PROB1: variants seen among roughly 807,000 people sequenced by gnomAD.
PROB1 encodes proline-rich basic protein 1.
For synonymous variants in PROB1, 660 were observed against 699.3 expected (o/e 0.94, Z 0.89); for missense variants, 1,453 against 1,485.7 (o/e 0.98, Z 0.36).
Position 139,392,391 on chromosome 5 carries a change from C to A in PROB1, c.2691G>T (p.Pro897=). Residue 897 remains proline, a synonymous_variant, in exon 1 of 1, where the codon CCG becomes CCT. Transcript: ENST00000434752. The surrounding 1 kb of genome is among the most constrained non-coding windows in gnomAD (Gnocchi z 5.8). Reference sequence around the variant, plus strand: ...AGAGCACCCGCAGCCGAGGCTGCCGCGGCGCCTCCACAAAGTAGTAGCGGC... The same window carrying A: ...AGAGCACCCGCAGCCGAGGCTGCCGAGGCGCCTCCACAAAGTAGTAGCGGC... ...ESGRYYFVEA[P]RQPRLRVLFD... The A allele has an allele frequency of 6.6e-7, 1 of 1,517,204 alleles. No individual in the cohort carries two copies. The highest frequency in any genetic ancestry group is 8.8e-7 in the Non-Finnish European group (1 of 1,134,258). 94.0% of individuals were successfully genotyped at this position (1,517,204 alleles called of 1,614,324 possible).
In PROB1 at chr5:139,393,768, T is replaced by C. The variant is rs980529255; in HGVS notation, c.1314A>G (p.Glu438=). The C allele has an allele frequency of 3.4e-5, 53 of 1,551,284 alleles. No individual in the cohort carries two copies. Among genetic ancestry groups the C allele is most frequent in the Non-Finnish European group, 4.1e-5 (47 of 1,146,988 alleles). ...TTTCCTCGACGGCAGGATTTTGATT[T>C]TCCCACTCGGAGGAGGCTTCAGGGA... is the stretch of plus-strand genomic sequence containing the variant. The part of the protein sequence containing the change: ...PLFPEASSEW[E]NQNPAVEETV... The change falls in exon 1 of 1, where the codon GAA becomes GAG. Residue 438 remains glutamate, a synonymous_variant. Coordinates refer to ENST00000434752, the MANE Select transcript of PROB1 (RefSeq NM_001161546.2).
At position 139,394,932 on chromosome 5, in the gene PROB1, C is replaced by T; in HGVS notation, c.150G>A (p.Ala50=). 2 of 1,519,930 alleles carry T rather than the reference C, an allele frequency of 1.3e-6. No homozygotes were observed. The highest frequency in any genetic ancestry group is 3.9e-4 in the Middle Eastern group (2 of 5,190). 94.2% of individuals were successfully genotyped at this position (1,519,930 alleles called of 1,614,324 possible). The change falls in exon 1 of 1, where the codon GCG becomes GCA. Residue 50 remains alanine, a synonymous_variant. Transcript: ENST00000434752. ...SPEPPDVGPD[A]KGPANWPWVA... ...CCCAGGGCCAATTCGCTGGGCCTTTCGCGTCCGGCCCAACGTCCGGGGGCT... is the reference window on the plus strand; with the variant it reads ...CCCAGGGCCAATTCGCTGGGCCTTTTGCGTCCGGCCCAACGTCCGGGGGCT...
Position 139,392,171 on chromosome 5 carries a change from C to T in PROB1, c.2911G>A (p.Glu971Lys), listed in dbSNP as rs1561988372. ...LGSPQLPWVSEAGPLDGTYYL... is the reference protein window; with the variant it reads ...LGSPQLPWVSKAGPLDGTYYL... ...TAGGTCCCGTCCAGGGGCCCTGCCT[C>T]AGAGACCCAGGGTAGCTGGGGGCTG... The change falls in exon 1 of 1, where the codon GAG becomes AAG. Residue 971 changes from glutamate (E) to lysine (K), a missense_variant. Glu to Lys is a moderately conservative substitution (Grantham distance 56). Transcript: ENST00000434752. The surrounding 1 kb of genome is among the most constrained non-coding windows in gnomAD (Gnocchi z 5.8). 7.1e-7 allele frequency: 1 copy of T among 1,407,654 alleles called. No homozygotes were observed. Among genetic ancestry groups the T allele is most frequent in the Admixed American group, 3.2e-5 (1 of 31,144 alleles). 87.2% of individuals were successfully genotyped at this position (1,407,654 alleles called of 1,614,324 possible). A position where few individuals can be genotyped will look rare whatever the true frequency, so the allele number is the denominator to read the frequency against.
rs1758617890 is a variant in PROB1, at chr5:139,392,636, G to A, written c.2446C>T (p.Pro816Ser). ...GCCGTAGGTGGTGTCTTCGGTTTGG[G>A]TGCTATCCCAGGGCTCGGGCTGGCT... ...MQASPSPGIA[P>S]KPKTPPTAPE... The change falls in exon 1 of 1, where the codon CCC becomes TCC. Residue 816 changes from proline to serine, a missense_variant. Coordinates refer to ENST00000434752, the MANE Select transcript of PROB1 (RefSeq NM_001161546.2). The surrounding 1 kb of genome is among the most constrained non-coding windows in gnomAD (Gnocchi z 5.8). The A allele has an allele frequency of 5.0e-6, 7 of 1,389,108 alleles. No individual in the cohort carries two copies. In the East Asian group the frequency reaches 1.8e-4, roughly 36 times the overall value. The allele number at this position is 1,389,108 out of a possible 1,614,324, so 86.0% of individuals were successfully genotyped here.
At position 139,394,620 on chromosome 5, in the gene PROB1, G is replaced by A; in HGVS notation, c.462C>T (p.Val154=). The part of the protein sequence containing the change: ...LPPGPASPAA[V]PRQSQVPDGG... Reference sequence around the variant, plus strand: ...CATCGGGGACCTGGGACTGGCGTGGGACCGCGGCGGGAGACGCTGGCCCCG... The same window carrying A: ...CATCGGGGACCTGGGACTGGCGTGGAACCGCGGCGGGAGACGCTGGCCCCG... Residue 154 remains valine (V), a synonymous_variant, in exon 1 of 1, where the codon GTC becomes GTT. Coordinates refer to ENST00000434752, the MANE Select transcript of PROB1 (RefSeq NM_001161546.2). 6.5e-7 allele frequency: 1 copy of A among 1,534,026 alleles called. No homozygotes were observed. The highest frequency in any genetic ancestry group is 1.2e-5 in the South Asian group (1 of 83,950).
At position 139,393,011 on chromosome 5, in the gene PROB1, C is replaced by A. The variant is rs988336858; in HGVS notation, c.2071G>T (p.Val691Leu). ...TCAGGAGGCTCGTAGGGGTGCGGCACCACCGGTAGAAAATCCTTGATGAAA... is the reference window on the plus strand; with the variant it reads ...TCAGGAGGCTCGTAGGGGTGCGGCAACACCGGTAGAAAATCCTTGATGAAA... ...SVFIKDFLPV[V>L]PHPYEPPEPS... Residue 691 changes from valine (V) to leucine (L), a missense_variant, in exon 1 of 1, where the codon GTG becomes TTG. Transcript: ENST00000434752. 3.9e-6 allele frequency: 6 copies of A among 1,521,256 alleles called. No individual in the cohort carries two copies. In the African/African-American group the frequency reaches 5.6e-5, roughly 14 times the overall value. 94.2% of individuals were successfully genotyped at this position (1,521,256 alleles called of 1,614,324 possible).
rs1471307381 is a variant in PROB1 at position 139,394,611 on chromosome 5, C to G, written c.471G>C (p.Gln157His). ...GGGAGCCACCATCGGGGACCTGGGA[C>G]TGGCGTGGGACCGCGGCGGGAGACG... Reference protein sequence around the residue: ...GPASPAAVPRQSQVPDGGSRW... With the variant: ...GPASPAAVPRHSQVPDGGSRW... The change falls in exon 1 of 1, where the codon CAG becomes CAC. Residue 157 changes from glutamine to histidine, a missense_variant. Coordinates refer to ENST00000434752, the MANE Select transcript of PROB1 (RefSeq NM_001161546.2). 6.5e-7 allele frequency: 1 copy of G among 1,532,930 alleles called. No homozygotes were observed. Among genetic ancestry groups the G allele is most frequent in the Non-Finnish European group, 8.7e-7 (1 of 1,144,954 alleles). The allele number at this position is 1,532,930 out of a possible 1,614,324, so 95.0% of individuals were successfully genotyped here.
chr5:139,392,793 T>G lies in PROB1; in HGVS notation c.2289A>C (p.Val763=), dbSNP rs1436113417. The part of the protein sequence containing the change: ...ARGPGGENRD[V]EAQRLVPDGD... Reference sequence around the variant, plus strand: ...CGTCGGGGACCAGGCGCTGGGCCTCTACATCCCTGTTCTCTCCTCCAGGGC... The same window carrying G: ...CGTCGGGGACCAGGCGCTGGGCCTCGACATCCCTGTTCTCTCCTCCAGGGC... The change falls in exon 1 of 1, where the codon GTA becomes GTC. Residue 763 remains valine, a synonymous_variant. Transcript: ENST00000434752. This position sits in a 1 kb window ranked among gnomAD's most constrained non-coding sequence, Gnocchi z 5.8. The G allele has an allele frequency of 6.8e-7, 1 of 1,467,334 alleles. No individual in the cohort carries two copies. The highest frequency in any genetic ancestry group is 9.0e-7 in the Non-Finnish European group (1 of 1,105,872). 90.9% of individuals were successfully genotyped at this position (1,467,334 alleles called of 1,614,324 possible).
At position 139,394,427 on chromosome 5, in the gene PROB1, G is replaced by T; in HGVS notation, c.655C>A (p.Pro219Thr). The T allele has an allele frequency of 7.2e-7, 1 of 1,396,032 alleles. No individual in the cohort carries two copies. Among genetic ancestry groups the T allele is most frequent in the South Asian group, 1.6e-5 (1 of 62,398 alleles). The allele number at this position is 1,396,032 out of a possible 1,614,324, so 86.5% of individuals were successfully genotyped here. Reference sequence around the variant, plus strand: ...CGCGGCGCGCCGGCCGCCCTTGGGGGACTCTGGGGCCGGGGGCGCAGCTCG... The same window carrying T: ...CGCGGCGCGCCGGCCGCCCTTGGGGTACTCTGGGGCCGGGGGCGCAGCTCG... ...QIELRPRPQS[P>T]PRAAGAPRPR... Residue 219 changes from proline (P) to threonine (T), a missense_variant, in exon 1 of 1, where the codon CCC becomes ACC. Transcript: ENST00000434752.
rs1166954888 is a variant in PROB1, at chr5:139,392,294, A to T, written c.2788T>A (p.Tyr930Asn). Residue 930 changes from tyrosine (Y) to asparagine (N), a missense_variant, in exon 1 of 1, where the codon TAC (tyrosine) becomes AAC (asparagine). Physicochemically the swap from Tyr to Asn is moderately radical, Grantham distance 143. Coordinates refer to ENST00000434752, the MANE Select transcript of PROB1 (RefSeq NM_001161546.2). The surrounding 1 kb of genome is among the most constrained non-coding windows in gnomAD (Gnocchi z 5.8). ...PSSPGPPHRV[Y>N]TPLALGLGLY... ...CCGAGCCCCAGGGCCAGAGGGGTGTAGACGCGGTGGGGCGGCCCGGGAGAC... is the reference window on the plus strand; with the variant it reads ...CCGAGCCCCAGGGCCAGAGGGGTGTTGACGCGGTGGGGCGGCCCGGGAGAC... 2 of 1,532,734 alleles carry T rather than the reference A, an allele frequency of 1.3e-6. No homozygotes were observed. Among genetic ancestry groups the T allele is most frequent in the Non-Finnish European group, 1.8e-6 (2 of 1,138,436 alleles). The allele number at this position is 1,532,734 out of a possible 1,614,324, so 94.9% of individuals were successfully genotyped here. A position where few individuals can be genotyped will look rare whatever the true frequency, so the allele number is the denominator to read the frequency against.
In PROB1 at chr5:139,394,876, G is replaced by T; in HGVS notation, c.206C>A (p.Pro69His). Residue 69 changes from proline (P) to histidine (H), a missense_variant, in exon 1 of 1, where the codon CCT (proline) becomes CAT (histidine). Pro to His is a moderately conservative substitution (Grantham distance 77). Coordinates refer to ENST00000434752, the MANE Select transcript of PROB1 (RefSeq NM_001161546.2). ...ATTCTGGGCGCTGACGGACAGGCGA[G>T]GCTGCGCGCCCGCCCCCCGCCCAGG... Reference protein sequence around the residue: ...VAPGRGAGAQPRLSVSAQNSR... With the variant: ...VAPGRGAGAQHRLSVSAQNSR... 6.6e-7 allele frequency: 1 copy of T among 1,521,028 alleles called. No individual in the cohort carries two copies. The highest frequency in any genetic ancestry group is 1.2e-5 in the South Asian group (1 of 81,344). The allele number at this position is 1,521,028 out of a possible 1,614,324, so 94.2% of individuals were successfully genotyped here. A position where few individuals can be genotyped will look rare whatever the true frequency, so the allele number is the denominator to read the frequency against.
chr5:139,393,844 T>C lies in PROB1; in HGVS notation c.1238A>G (p.Gln413Arg), dbSNP rs1758642592. Residue 413 changes from glutamine to arginine, a missense_variant, in exon 1 of 1, where the codon CAG (glutamine) becomes CGG (arginine). Transcript: ENST00000434752. ...AVRGPRCPSPQNLSPWDRTTR... is the reference protein window; with the variant it reads ...AVRGPRCPSPRNLSPWDRTTR... ...AGTCCGATCCCACGGGGACAGGTTC[T>C]GGGGCGACGGGCAGCGAGGACCCCG... The C allele has an allele frequency of 1.9e-6, 3 of 1,550,790 alleles. No individual in the cohort carries two copies. Among genetic ancestry groups the C allele is most frequent in the Admixed American group, 2.0e-5 (1 of 50,954 alleles).
Position 139,394,385 on chromosome 5 carries a change from G to A in PROB1, c.697C>T (p.Arg233Cys). The change falls in exon 1 of 1, where the codon CGC (arginine) becomes TGC (cysteine). Residue 233 changes from arginine to cysteine, a missense_variant. Physicochemically the swap from Arg to Cys is radical, Grantham distance 180 (BLOSUM62 -3). Transcript: ENST00000434752. ...AGCGACTCGTCCAGGGAACCGGTGC[G>A]CAGGAGCAGCCGGGGGCGCGGCGCG... ...AGAPRPRLLLRTGSLDESLGP... is the reference protein window; with the variant it reads ...AGAPRPRLLLCTGSLDESLGP... The A allele has an allele frequency of 7.1e-7, 1 of 1,398,944 alleles. No homozygotes were observed. The highest frequency in any genetic ancestry group is 1.6e-5 in the South Asian group (1 of 62,490). The allele number at this position is 1,398,944 out of a possible 1,614,324, so 86.7% of individuals were successfully genotyped here.
Position 139,392,740 on chromosome 5 carries a change from C to T in PROB1, c.2342G>A (p.Gly781Asp). The change falls in exon 1 of 1, where the codon GGC becomes GAC. Residue 781 changes from glycine to aspartate, a missense_variant. Physicochemically the swap from Gly to Asp is moderately conservative, Grantham distance 94 (BLOSUM62 -1). Coordinates refer to ENST00000434752, the MANE Select transcript of PROB1 (RefSeq NM_001161546.2). This position sits in a 1 kb window ranked among gnomAD's most constrained non-coding sequence, Gnocchi z 5.8. ...GGAGCGCTGGGATGAGCTGCGGGCG[C>T]CGCCTAGAGGGCTGGTCCGACCGTC... ...DGDGRTSPLG[G>D]ARSSSQRSPV... The T allele has an allele frequency of 1.4e-6, 2 of 1,413,102 alleles. No individual in the cohort carries two copies. Among genetic ancestry groups the T allele is most frequent in the Non-Finnish European group, 1.8e-6 (2 of 1,083,086 alleles). 87.5% of individuals were successfully genotyped at this position (1,413,102 alleles called of 1,614,324 possible).
rs1324432725 is a variant in PROB1, at chr5:139,390,657, T to A, written c.*1377A>T. On this transcript the variant is annotated 3_prime_UTR_variant, in exon 1 of 1. Coordinates refer to ENST00000434752, the MANE Select transcript of PROB1 (RefSeq NM_001161546.2). ...CACACCAGGATGAGGTAAAGACACC[T>A]GGGGTGGCCCCAGGGCCCTCCATGC... The A allele has an allele frequency of 1.3e-5, 2 of 152,204 alleles. No individual in the cohort carries two copies. Among genetic ancestry groups the A allele is most frequent in the Non-Finnish European group, 2.9e-5 (2 of 68,022 alleles). 9.4% of individuals were successfully genotyped at this position (152,204 alleles called of 1,614,324 possible). A position where few individuals can be genotyped will look rare whatever the true frequency, so the allele number is the denominator to read the frequency against.
rs1190568364 is a variant in PROB1 at position 139,394,755 on chromosome 5, C to T, written c.327G>A (p.Gly109=). The change falls in exon 1 of 1, where the codon GGG becomes GGA. Residue 109 remains glycine, a synonymous_variant. Transcript: ENST00000434752. ...PQPQLRTLPS[G]EMEVIFGVGP... is the part of the protein sequence containing the mutation. ...CGACGCCGAAGATGACTTCCATCTC[C>T]CCCGACGGCAGCGTGCGCAGCTGGG... 6.5e-7 allele frequency: 1 copy of T among 1,533,054 alleles called. No individual in the cohort carries two copies. The highest frequency in any genetic ancestry group is 1.2e-5 in the South Asian group (1 of 83,598). 95.0% of individuals were successfully genotyped at this position (1,533,054 alleles called of 1,614,324 possible).
chr5:139,392,214 C>A lies in PROB1; in HGVS notation c.2868G>T (p.Pro956=). The change falls in exon 1 of 1, where the codon CCG becomes CCT. Residue 956 remains proline (P), a synonymous_variant. Transcript: ENST00000434752. The surrounding 1 kb of genome is among the most constrained non-coding windows in gnomAD (Gnocchi z 5.8). ...GGGGGCTGCCGAGGGCCTGCGGGCC[C>A]GGGGACGGTGGCAGAGAGAGGCTGG... ...PIPSLSLPPS[P]GPQALGSPQL... is the part of the protein sequence containing the mutation. The A allele has an allele frequency of 7.0e-7, 1 of 1,434,400 alleles. No individual in the cohort carries two copies. The highest frequency in any genetic ancestry group is 9.2e-7 in the Non-Finnish European group (1 of 1,087,214). 88.9% of individuals were successfully genotyped at this position (1,434,400 alleles called of 1,614,324 possible). A position where few individuals can be genotyped will look rare whatever the true frequency, so the allele number is the denominator to read the frequency against.
At position 139,392,458 on chromosome 5, in the gene PROB1, C is replaced by A. The variant is rs973345360; in HGVS notation, c.2624G>T (p.Gly875Val). The A allele has an allele frequency of 2.8e-5, 40 of 1,405,134 alleles. 1 individual carries two copies. The highest frequency in any genetic ancestry group is 1.9e-4 in the Middle Eastern group (1 of 5,132). The allele number at this position is 1,405,134 out of a possible 1,614,324, so 87.0% of individuals were successfully genotyped here. ...CAAGACCTTCCCCAGGGGCGCGGCC[C>A]CGGGCTGCCTGCGCGCTCCCTGGGA... ...SPSQGARRQP[G>V]AAPLGKVLVD... The change falls in exon 1 of 1, where the codon GGG becomes GTG. Residue 875 changes from glycine (G) to valine (V), a missense_variant. Physicochemically the swap from Gly to Val is moderately radical, Grantham distance 109. Transcript: ENST00000434752. The surrounding 1 kb of genome is among the most constrained non-coding windows in gnomAD (Gnocchi z 5.8).
At position 139,393,330 on chromosome 5, in the gene PROB1, T is replaced by C. The variant is rs1215321125; in HGVS notation, c.1752A>G (p.Val584=). ...AFGGSQQSPE[V]AAPEPPGSHP... The stretch of plus-strand genomic sequence containing the variant: ...GGCTGCCGGGCGGCTCGGGTGCTGC[T>C]ACCTCTGGGGACTGCTGACTCCCTC... The change falls in exon 1 of 1, where the codon GTA becomes GTG. Residue 584 remains valine, a synonymous_variant. Transcript: ENST00000434752. 22 of 1,551,162 alleles carry C rather than the reference T, an allele frequency of 1.4e-5. No homozygotes were observed. Among genetic ancestry groups the C allele is most frequent in the Non-Finnish European group, 1.9e-5 (22 of 1,146,988 alleles).
Sources: gnomAD v4.1 joint callset for allele counts on GRCh38, gnomAD v4.1.1 for gene constraint, Gnocchi (gnomAD v3.1) non-coding constraint, MANE v1.5 for transcripts, NCBI Gene and HGNC (gene_info 2026-07-23, HGNC 2026-07-21) for gene names.